CAMKMT: variants seen among roughly 807,000 people sequenced by gnomAD.
CAMKMT encodes calmodulin-lysine N-methyltransferase, also known as CaM KMT.
CAMKMT carries 53 observed loss-of-function variants against 48.0 expected under a neutral mutation model. The observed-to-expected ratio is 1.10, with a 90% confidence interval of 0.89 to 1.39. The LOEUF (loss-of-function observed/expected upper bound fraction) is 1.39. Ranked by LOEUF, CAMKMT falls within the 40% of genes most tolerant of loss-of-function variation. The probability of loss-of-function intolerance (pLI) is 0.00; values close to 1 mark genes in which losing one functional copy is unlikely to be tolerated. For synonymous variants in CAMKMT, 165 were observed against 152.3 expected (o/e 1.08, Z -0.61); for missense variants, 428 against 402.7 (o/e 1.06, Z -0.54).
intron 3 of CAMKMT, among the ~76,000 whole-genome samples, chr2:44,487,385 A>T (rs1372652004): frequency 1.6e-4 from 24 of 152,148 alleles, no homozygotes; most frequent in Admixed American, 1.6e-3. Flanking sequence ...AGTTTTTAGT[A>T]TTTGTTTATT....
chr2:44,658,955 C>T (rs1185040218), intron 3 of CAMKMT, among the ~76,000 whole-genome samples: 3 of 152,132 alleles, frequency 2.0e-5, no homozygotes, highest in Admixed American at 2.0e-4. Flanking sequence ...TGCCCTCACT[C>T]CATTCCCTCC....
chr2:44,398,904 C>G (rs1005359912), intron 3 of CAMKMT, among the ~76,000 whole-genome samples: 2 of 151,994 alleles, frequency 1.3e-5, no homozygotes, highest in African/African-American at 4.8e-5. Flanking sequence ...GTATATACTC[C>G]ATGTTAAAAA....
chr2:44,574,033 C>T (rs756928015), intron 3 of CAMKMT, among the ~76,000 whole-genome samples: 3 of 152,098 alleles, frequency 2.0e-5, no homozygotes, highest in East Asian at 1.9e-4. Flanking sequence ...TCCAGATGAA[C>T]GTTTGAATCT....
chr2:44,764,030 GT>G lies in CAMKMT; in HGVS notation c.763-2389del, dbSNP rs979491734. 2.4e-4 allele frequency among the ~76,000 whole-genome samples: 35 copies of G among 146,018 alleles called. 1 individual carries two copies. Among genetic ancestry groups the G allele is most frequent in the South Asian group, 8.7e-4 (4 of 4,584 alleles). On this transcript the variant is annotated intron_variant, in intron 9 of 10. Coordinates refer to ENST00000378494, the MANE Select transcript of CAMKMT (RefSeq NM_024766.5). ...AAATGACCTACCAGCATTCCCTGTT[GT>G]TTTTTTTTTTCTAATGGAGACTTTT...
chr2:44,467,279 C>T (rs1408544248), intron 3 of CAMKMT, among the ~76,000 whole-genome samples: 1 of 152,098 alleles, frequency 6.6e-6, no homozygotes, highest in African/African-American at 2.4e-5. Context: ...CGCCTGTAAT[C>T]CCAGCACTTT....
intron 3 of CAMKMT, among the ~76,000 whole-genome samples, chr2:44,439,716 T>TA (rs1666519813): frequency 6.6e-6 from 1 of 151,774 alleles, no homozygotes; most frequent in Non-Finnish European, 1.5e-5. Flanking sequence ...CGGGCGCCTG[T>TA]AGTCCCAGCT....
At chr2:44,651,537 G>A (rs1259498982) in intron 3 of CAMKMT, among the ~76,000 whole-genome samples, 1 of 151,984 alleles carries the variant, frequency 6.6e-6, no homozygotes, top group Admixed American at 6.6e-5. Context: ...TACAAAAAAA[G>A]GCACTCTAGC....
intron 3 of CAMKMT, chr2:44,631,360 C>A: frequency 2.8e-6 from 1 of 362,860 alleles, no homozygotes; most frequent in African/African-American, 2.2e-5. Flanking sequence ...AACTAACCTG[C>A]ACGTTGTGCA....
chr2:44,707,481 A>G lies in CAMKMT; in HGVS notation c.556+19A>G. 6.2e-7 allele frequency: 1 copy of G among 1,608,148 alleles called. No individual in the cohort carries two copies. Among genetic ancestry groups the G allele is most frequent in the Non-Finnish European group, 8.5e-7 (1 of 1,176,570 alleles). ...ATCAGAAGTATCCTTATTCAGATAGAAAACGGGTTTGTTGTGCTCATTCCT... is the reference window on the plus strand; with the variant it reads ...ATCAGAAGTATCCTTATTCAGATAGGAAACGGGTTTGTTGTGCTCATTCCT... On this transcript the variant is annotated intron_variant, in intron 6 of 10. Coordinates refer to ENST00000378494, the MANE Select transcript of CAMKMT (RefSeq NM_024766.5).
chr2:44,714,409 C>G (rs2104299749), intron 6 of CAMKMT, among the ~76,000 whole-genome samples: 1 of 152,292 alleles, frequency 6.6e-6, no homozygotes, highest in South Asian at 2.1e-4. Context: ...AAATGTGGCT[C>G]TTTTGTACAA....
chr2:44,480,193 G>C (rs1434541713), intron 3 of CAMKMT, among the ~76,000 whole-genome samples: 2 of 152,124 alleles, frequency 1.3e-5, no homozygotes, highest in African/African-American at 4.8e-5. Context: ...ACATACTGTA[G>C]TTTCTGTTAG....
chr2:44,368,472 G>T (rs927472426), intron 1 of CAMKMT, among the ~76,000 whole-genome samples: 5 of 152,126 alleles, frequency 3.3e-5, no homozygotes, highest in Non-Finnish European at 7.4e-5. Context: ...TAAATATGTT[G>T]CCTGTTACTT....
intron 3 of CAMKMT, among the ~76,000 whole-genome samples, chr2:44,633,920 T>A (rs1350607602): frequency 6.6e-6 from 1 of 152,168 alleles, no homozygotes; most frequent in East Asian, 1.9e-4. Context: ...CAACACTTAT[T>A]TTTGGTTTTG....
intron 3 of CAMKMT, among the ~76,000 whole-genome samples, chr2:44,623,121 A>G (rs143381114): frequency 5.3e-5 from 8 of 152,222 alleles, no homozygotes; most frequent in African/African-American, 1.7e-4. Context: ...GGCCATTTGT[A>G]TGTCTTCTTT....
chr2:44,390,455 A>C, intron 3 of CAMKMT, 150 bp downstream of exon 3: 1 of 552,376 alleles, frequency 1.8e-6, no homozygotes, highest in Non-Finnish European at 3.0e-6. Context: ...CTTTAGCTGC[A>C]AAATAAGCCT....
At chr2:44,662,023 C>A (rs778265073) in intron 3 of CAMKMT, among the ~76,000 whole-genome samples, 5 of 151,940 alleles carry the variant, frequency 3.3e-5, no homozygotes, top group Middle Eastern at 3.4e-3. Flanking sequence ...CTGTATGCAA[C>A]CCTCATGATT....
chr2:44,613,090 C>T (rs1410653594), intron 3 of CAMKMT, among the ~76,000 whole-genome samples: 3 of 152,130 alleles, frequency 2.0e-5, no homozygotes, highest in African/African-American at 4.8e-5. Flanking sequence ...TTCAATGAGT[C>T]TTTTGGGGAG....
At chr2:44,548,529 G>A (rs1419504156) in intron 3 of CAMKMT, among the ~76,000 whole-genome samples, 2 of 152,268 alleles carry the variant, frequency 1.3e-5, no homozygotes, top group Non-Finnish European at 2.9e-5. Context: ...ACGTTATCTA[G>A]ATACTGCTGT....
intron 3 of CAMKMT, among the ~76,000 whole-genome samples, chr2:44,412,685 C>T (rs573507301): frequency 1.2e-4 from 19 of 152,210 alleles, no homozygotes; most frequent in African/African-American, 4.6e-4. Flanking sequence ...TACAAGCCTT[C>T]TAAAACTATT....
Sources: gnomAD v4.1 joint callset for allele counts (sites outside exome capture counted in the v4.1 genomes callset) on GRCh38, gnomAD v4.1.1 for gene constraint, MANE v1.5 for transcripts, NCBI Gene and HGNC (gene_info 2026-07-23, HGNC 2026-07-21) for gene names.